BNC2: variants seen among roughly 807,000 people sequenced by gnomAD.
BNC2 encodes basonuclin zinc finger protein 2, also known as zinc finger protein basonuclin-2.
In BNC2, 20 loss-of-function variants were observed where a neutral mutation model predicts 76.3. The ratio of observed to expected loss-of-function variants is 0.26; its 90% CI spans 0.18 to 0.38. The LOEUF (loss-of-function observed/expected upper bound fraction) is 0.38. Ranked by LOEUF, BNC2 falls within the 10% of genes least tolerant of loss-of-function variation. The pLI is 1.00. For missense variants in BNC2, 1,382 were observed against 1,399.8 expected (o/e 0.99, Z 0.20); for synonymous variants, 582 against 514.8 (o/e 1.13, Z -1.77).
chr9:16,641,862 A>C (rs1563876711), intron 3 of BNC2, among the ~76,000 whole-genome samples: 1 of 152,180 alleles, frequency 6.6e-6, no homozygotes, highest in Non-Finnish European at 1.5e-5. Flanking sequence ...TTTTTTTGGA[A>C]GATGCCAAGA....
At chr9:16,491,238 T>C (rs1360556582) in intron 5 of BNC2, among the ~76,000 whole-genome samples, 1 of 151,954 alleles carries the variant, frequency 6.6e-6, no homozygotes. Flanking sequence ...AGAATGGGAT[T>C]TGTGAAAAAA....
chr9:16,636,075 C>T (rs1821316456), intron 3 of BNC2, among the ~76,000 whole-genome samples: 1 of 152,168 alleles, frequency 6.6e-6, no homozygotes, highest in South Asian at 2.1e-4. Flanking sequence ...GCAAAATAAT[C>T]TTAGGAATGT....
chr9:16,443,901 G>C (rs1371133525), intron 5 of BNC2, among the ~76,000 whole-genome samples: 5 of 152,302 alleles, frequency 3.3e-5, no homozygotes, highest in African/African-American at 7.2e-5. Flanking sequence ...CACCATGATT[G>C]TGCTGAGGTT....
intron 4 of BNC2, among the ~76,000 whole-genome samples, chr9:16,565,378 A>G (rs990900326): frequency 2.0e-5 from 3 of 152,194 alleles, no homozygotes; most frequent in African/African-American, 7.2e-5. Context: ...GCACCTTCAC[A>G]TATTACTAGC....
intron 1 of BNC2, among the ~76,000 whole-genome samples, chr9:16,862,590 A>C (rs1472067340): frequency 6.6e-6 from 1 of 152,206 alleles, no homozygotes; most frequent in Non-Finnish European, 1.5e-5. Flanking sequence ...ACCTGCGTAG[A>C]GATACTGACT....
chr9:16,419,679 G>A (rs376346334), intron 6 of BNC2, 30 bp from the exon 7 acceptor site: 70 of 467,218 alleles, frequency 1.5e-4, no homozygotes, highest in Middle Eastern at 6.8e-4. Flanking sequence ...GGGGGGGTAC[G>A]TGGATGGGGG....
chr9:16,594,423 G>C (rs1236422590), intron 3 of BNC2, among the ~76,000 whole-genome samples: 2 of 152,054 alleles, frequency 1.3e-5, no homozygotes, highest in African/African-American at 4.8e-5. Flanking sequence ...TTTATAAAAG[G>C]AGCTGCCCAC....
intron 1 of BNC2, among the ~76,000 whole-genome samples, chr9:16,803,741 C>T (rs1156646792): frequency 2.0e-5 from 3 of 152,206 alleles, no homozygotes; most frequent in East Asian, 3.8e-4. Context: ...ATATTCCCTA[C>T]GTTTCTGATG....
At chr9:16,750,990 C>CT (rs1365007562) in intron 1 of BNC2, among the ~76,000 whole-genome samples, 2 of 152,160 alleles carry the variant, frequency 1.3e-5, no homozygotes, top group Non-Finnish European at 2.9e-5. Flanking sequence ...AGAGTTGTGT[C>CT]TTTTTTCTCT....
At chr9:16,660,815 T>C (rs1170940754) in intron 3 of BNC2, among the ~76,000 whole-genome samples, 1 of 152,096 alleles carries the variant, frequency 6.6e-6, no homozygotes, top group Non-Finnish European at 1.5e-5. Flanking sequence ...ATACCAATTA[T>C]TTACATAGTA....
chr9:16,429,440 T>C (rs1027589850), intron 6 of BNC2: 1 of 153,096 alleles, frequency 6.5e-6, no homozygotes, highest in Non-Finnish European at 1.5e-5. Context: ...ATAAGAAAGA[T>C]TCACACCAAT....
At chr9:16,600,994 T>A (rs948357443) in intron 3 of BNC2, among the ~76,000 whole-genome samples, 1 of 152,194 alleles carries the variant, frequency 6.6e-6, no homozygotes, top group African/African-American at 2.4e-5. Flanking sequence ...TGATGATACA[T>A]CTTTTATTAT....
intron 3 of BNC2, among the ~76,000 whole-genome samples, chr9:16,721,165 C>G (rs1482521404): frequency 6.6e-6 from 1 of 152,164 alleles, no homozygotes; most frequent in Non-Finnish European, 1.5e-5. Context: ...CATTTTAAAA[C>G]TTCTTAGACC....
At position 16,793,844 on chromosome 9, in the gene BNC2, G is replaced by T. The variant is rs1264757300; in HGVS notation, c.4-55359C>A. 7.7e-3 allele frequency among the ~76,000 whole-genome samples: 829 copies of T among 107,480 alleles called. 9 individuals are homozygous for T. Among genetic ancestry groups the T allele is most frequent in the African/African-American group, 0.025 (762 of 30,862 alleles). The allele number at this position is 107,480 out of a possible 152,430, so 70.5% of individuals were successfully genotyped here. ...CCGCCACCATGCCCAGCTAGTTTTT[G>T]TTTTTTGTGGTTTTTGTTTTTTTGT... On this transcript the variant is annotated intron_variant, in intron 1 of 6. Coordinates refer to ENST00000380672, the MANE Select transcript of BNC2 (RefSeq NM_017637.6).
chr9:16,669,537 T>A (rs1822411896), intron 3 of BNC2, among the ~76,000 whole-genome samples: 1 of 152,326 alleles, frequency 6.6e-6, no homozygotes, highest in South Asian at 2.1e-4. Context: ...TGGTTGAGGA[T>A]CTTATAACAG....
intron 3 of BNC2, among the ~76,000 whole-genome samples, chr9:16,652,209 C>G (rs1415781359): frequency 6.6e-6 from 1 of 151,978 alleles, no homozygotes; most frequent in Non-Finnish European, 1.5e-5. Flanking sequence ...CATAAGAAAC[C>G]AAAATAATTA....
chr9:16,472,148 A>G (rs1030441678), intron 5 of BNC2, among the ~76,000 whole-genome samples: 2 of 152,210 alleles, frequency 1.3e-5, no homozygotes, highest in East Asian at 1.9e-4. Context: ...TAAGATCTGT[A>G]AGGATATATT....
chr9:16,419,348 C>T lies in BNC2; in HGVS notation c.2941G>A (p.Asp981Asn), dbSNP rs201719018. ...SSSIHSSRES[D>N]AGSDEGILLD... ...AGAATCCCCTCATCGCTGCCTGCGTCGGATTCTCTGGAGGAATGGATACTG... is the reference window on the plus strand; with the variant it reads ...AGAATCCCCTCATCGCTGCCTGCGTTGGATTCTCTGGAGGAATGGATACTG... Residue 981 changes from aspartate (D) to asparagine (N), a missense_variant, in exon 7 of 7, where the codon GAC (aspartate) becomes AAC (asparagine). This residue lies in a region of BNC2 where 798 missense variants were observed against 775.5 expected (regional missense o/e 1.03). Coordinates refer to ENST00000380672, the MANE Select transcript of BNC2 (RefSeq NM_017637.6). 6.2e-6 allele frequency: 10 copies of T among 1,610,792 alleles called. No homozygotes were observed. Among genetic ancestry groups the T allele is most frequent in the Admixed American group, 1.7e-5 (1 of 59,806 alleles).
chr9:16,531,423 G>A (rs912802066), intron 5 of BNC2, among the ~76,000 whole-genome samples: 1 of 149,566 alleles, frequency 6.7e-6, no homozygotes, highest in Non-Finnish European at 1.5e-5. Context: ...AAAACCAAGC[G>A]AGAGAGGGAG....
Sources: gnomAD v4.1 joint callset for allele counts (sites outside exome capture counted in the v4.1 genomes callset) on GRCh38, gnomAD v4.1.1 for gene constraint, gnomAD v4.1.1 regional missense constraint, MANE v1.5 for transcripts, NCBI Gene and HGNC (gene_info 2026-07-23, HGNC 2026-07-21) for gene names.